Variants in RBM19 observed in about 807,000 individuals in gnomAD.
RBM19 encodes the protein probable RNA-binding protein 19.
RBM19 carries 94 observed loss-of-function variants against 116.8 expected under a neutral mutation model. That is an observed-to-expected ratio of 0.80 (90% CI 0.68 to 0.95). The LOEUF (loss-of-function observed/expected upper bound fraction) is 0.95, where lower values mean the gene tolerates loss of function less well. Ranked by LOEUF, RBM19 falls within the 40% of genes least tolerant of loss-of-function variation. The pLI is 0.00. For synonymous variants in RBM19, 475 were observed against 494.1 expected (o/e 0.96, Z 0.51); for missense variants, 1,161 against 1,220.7 (o/e 0.95, Z 0.73).
intron 22 of RBM19, among the ~76,000 whole-genome samples, chr12:113,852,500 C>T (rs1326226104): frequency 6.6e-6 from 1 of 152,210 alleles, no homozygotes; most frequent in Non-Finnish European, 1.5e-5. Flanking sequence ...CACACCTGAA[C>T]AGAAAAGTGG....
intron 22 of RBM19, among the ~76,000 whole-genome samples, chr12:113,856,831 C>G (rs1877946706): frequency 6.6e-6 from 1 of 152,154 alleles, no homozygotes; most frequent in South Asian, 2.1e-4. Context: ...AATTATCACC[C>G]CATCCAAACC....
In RBM19 at chr12:113,864,002, G is replaced by C. The variant is rs538182278; in HGVS notation, c.2559-5106C>G. Among the ~76,000 whole-genome samples, 3 of 152,168 alleles carry C rather than the reference G, an allele frequency of 2.0e-5. No homozygotes were observed. The South Asian group carries it at 6.2e-4, about 32-fold the overall frequency. On this transcript the variant is annotated intron_variant, in intron 21 of 23. Coordinates refer to ENST00000261741, the MANE Select transcript of RBM19 (RefSeq NM_016196.4). ...ACATGAACTCACAAGGCCCATGTGAGCTGAGCAATGTCAATCCCATTTCCT... is the reference window on the plus strand; with the variant it reads ...ACATGAACTCACAAGGCCCATGTGACCTGAGCAATGTCAATCCCATTTCCT...
At chr12:113,880,457 ACG>A (rs1880027398) in intron 21 of RBM19, among the ~76,000 whole-genome samples, 1 of 152,196 alleles carries the variant, frequency 6.6e-6, no homozygotes, top group Non-Finnish European at 1.5e-5. Context: ...CCTGACAGGT[ACG>A]ACAGCTCTTG....
At chr12:113,849,800 C>T (rs1184106565) in intron 22 of RBM19, among the ~76,000 whole-genome samples, 1 of 152,160 alleles carries the variant, frequency 6.6e-6, no homozygotes, top group African/African-American at 2.4e-5. Context: ...TCATTGATGG[C>T]CAGGGCTGAT....
At chr12:113,957,434 G>A (rs1391890451) in intron 6 of RBM19, among the ~76,000 whole-genome samples, 1 of 152,038 alleles carries the variant, frequency 6.6e-6, no homozygotes, top group African/African-American at 2.4e-5. Context: ...AAAATTAGCT[G>A]GGTGTGACTA....
chr12:113,837,865 T>C (rs1461395360), intron 23 of RBM19, among the ~76,000 whole-genome samples: 1 of 152,166 alleles, frequency 6.6e-6, no homozygotes, highest in African/African-American at 2.4e-5. Context: ...CAACTTTTAG[T>C]GAAAAGATGT....
chr12:113,926,238 C>T (rs1869058442), intron 17 of RBM19, among the ~76,000 whole-genome samples: 1 of 152,212 alleles, frequency 6.6e-6, no homozygotes, highest in Admixed American at 6.5e-5. Context: ...TGTCTTCTCT[C>T]TTGACCCCAT....
At chr12:113,943,903 C>A (rs949551369) in intron 13 of RBM19, among the ~76,000 whole-genome samples, 14 of 151,926 alleles carry the variant, frequency 9.2e-5, no homozygotes, top group African/African-American at 3.1e-4. Context: ...TTTCATTTAG[C>A]CTTTTAAACA....
chr12:113,869,957 G>A (rs1406518614), intron 21 of RBM19, among the ~76,000 whole-genome samples: 3 of 152,146 alleles, frequency 2.0e-5, no homozygotes, highest in African/African-American at 4.8e-5. Flanking sequence ...GCCACTATGG[G>A]GTGAACTCCT....
Position 113,961,182 on chromosome 12 carries a change from C to G in RBM19, c.220-1004G>C, listed in dbSNP as rs1872467544. 1.3e-5 allele frequency among the ~76,000 whole-genome samples: 2 copies of G among 152,098 alleles called. 1 individual carries two copies. Among genetic ancestry groups the G allele is most frequent in the South Asian group, 4.1e-4 (2 of 4,830 alleles). On this transcript the variant is annotated intron_variant, in intron 2 of 23. Coordinates refer to ENST00000261741, the MANE Select transcript of RBM19 (RefSeq NM_016196.4). ...GGACTCCAGGCACATGTCACCATGC[C>G]CGGCTAATTTTTTTTTTTATTTTTG... is the stretch of plus-strand genomic sequence containing the variant.
intron 22 of RBM19, among the ~76,000 whole-genome samples, chr12:113,853,316 C>T (rs922567334): frequency 6.6e-6 from 1 of 152,214 alleles, no homozygotes; most frequent in Admixed American, 6.5e-5. Context: ...ACCACCATCG[C>T]GTCTCCCTAC....
chr12:113,921,691 A>G (rs1044714347), intron 18 of RBM19, among the ~76,000 whole-genome samples: 9 of 152,116 alleles, frequency 5.9e-5, no homozygotes, highest in Admixed American at 1.3e-4. Flanking sequence ...GCGACTTTAA[A>G]TGTTCGTTCT....
chr12:113,965,117 A>C (rs1015680021), intron 1 of RBM19, among the ~76,000 whole-genome samples: 1 of 151,688 alleles, frequency 6.6e-6, no homozygotes, highest in Non-Finnish European at 1.5e-5. Flanking sequence ...TACTAAAAAT[A>C]AAAAAATTAG....
At chr12:113,833,462 CTGCACCT>C (rs1264638371) in intron 23 of RBM19, among the ~76,000 whole-genome samples, 1 of 152,236 alleles carries the variant, frequency 6.6e-6, no homozygotes, top group Non-Finnish European at 1.5e-5. Flanking sequence ...GAGCTTCCCA[CTGCACCT>C]TGAATACAAG....
At chr12:113,959,037 T>C (rs141037577) in intron 5 of RBM19, among the ~76,000 whole-genome samples, 175 bp downstream of exon 5, 121 of 152,346 alleles carry the variant, frequency 7.9e-4, no homozygotes, top group African/African-American at 2.9e-3. Context: ...ACTGACTGAA[T>C]ACACAACTAG....
At position 113,955,157 on chromosome 12, in the gene RBM19, G is replaced by A. The variant is rs981626385; in HGVS notation, c.895C>T (p.Arg299Trp). The A allele has an allele frequency of 3.1e-6, 5 of 1,613,826 alleles. No homozygotes were observed. Among genetic ancestry groups the A allele is most frequent in the South Asian group, 1.1e-5 (1 of 91,080 alleles). ...TCTGTGACATTGAACGGGGCTCCCC[G>A]CAGCTTCACGGTGTGGCAGGTGGTG... The part of the protein sequence containing the change: ...EPTTCHTVKL[R>W]GAPFNVTEKN... Residue 299 changes from arginine to tryptophan, a missense_variant, in exon 7 of 24, where the codon CGG becomes TGG. Transcript: ENST00000261741.
chr12:113,847,441 G>A (rs902588436), intron 22 of RBM19, among the ~76,000 whole-genome samples: 4 of 152,020 alleles, frequency 2.6e-5, no homozygotes, highest in Non-Finnish European at 5.9e-5. Flanking sequence ...ACTCTGAGCC[G>A]AAATGGCCCA....
intron 6 of RBM19, among the ~76,000 whole-genome samples, chr12:113,956,743 C>G (rs1245729597): frequency 3.3e-5 from 5 of 152,024 alleles, no homozygotes; most frequent in Non-Finnish European, 7.4e-5. Flanking sequence ...GGGGAAGCGC[C>G]CACGTTTATG....
At chr12:113,907,644 G>C (rs1882159119) in intron 21 of RBM19, among the ~76,000 whole-genome samples, 1 of 152,154 alleles carries the variant, frequency 6.6e-6, no homozygotes, top group Non-Finnish European at 1.5e-5. Flanking sequence ...TGTTTTATAA[G>C]GGGAGGAAAA....
Sources: gnomAD v4.1 joint callset for allele counts (sites outside exome capture counted in the v4.1 genomes callset) on GRCh38, gnomAD v4.1.1 for gene constraint, MANE v1.5 for transcripts, NCBI Gene and HGNC (gene_info 2026-07-23, HGNC 2026-07-21) for gene names.